The following WDPCP variants were observed in gnomAD, a reference collection of about 807,000 sequenced individuals.
WDPCP encodes WD repeat-containing and planar cell polarity effector protein fritz homolog.
WDPCP carries 71 observed loss-of-function variants against 93.1 expected under a neutral mutation model. That is an observed-to-expected ratio of 0.76 (90% CI 0.63 to 0.93). The LOEUF (loss-of-function observed/expected upper bound fraction) is 0.93. WDPCP is among the 40% of genes least tolerant of loss of function. The pLI, the probability that WDPCP is intolerant of heterozygous loss-of-function variation, is 0.00. For synonymous variants in WDPCP, 315 were observed against 315.0 expected (o/e 1.00, Z 0.00); for missense variants, 844 against 887.4 (o/e 0.95, Z 0.62).
intron 14 of WDPCP, among the ~76,000 whole-genome samples, chr2:63,217,188 C>G (rs534804983): frequency 6.6e-5 from 10 of 152,060 alleles, no homozygotes; most frequent in Non-Finnish European, 1.5e-4. Context: ...GGAAAAACAT[C>G]AAAAGAATTT....
chr2:63,661,965 T>C (rs1710232086), intron 2 of WDPCP, among the ~76,000 whole-genome samples: 1 of 152,126 alleles, frequency 6.6e-6, no homozygotes, highest in Non-Finnish European at 1.5e-5. Context: ...ATAGAACAGC[T>C]GGCAAGAGAG....
chr2:63,546,737 A>G (rs1402927306), intron 1 of WDPCP, among the ~76,000 whole-genome samples: 1 of 152,198 alleles, frequency 6.6e-6, no homozygotes, highest in Non-Finnish European at 1.5e-5. Context: ...TTCAAATTTA[A>G]AAAATGACAC....
chr2:63,469,561 G>A (rs979328454), intron 6 of WDPCP, among the ~76,000 whole-genome samples: 24 of 152,170 alleles, frequency 1.6e-4, no homozygotes, highest in South Asian at 1.0e-3. Flanking sequence ...CATGGATAGC[G>A]CTGGAGGCCA....
intron 1 of WDPCP, among the ~76,000 whole-genome samples, chr2:63,497,081 C>T (rs1395282077): frequency 7.4e-6 from 1 of 134,548 alleles, no homozygotes; most frequent in Non-Finnish European, 1.5e-5. Flanking sequence ...CACTGCACTC[C>T]AGCCTAGGTG....
At chr2:63,315,458 T>A (rs1273809633) in intron 12 of WDPCP, among the ~76,000 whole-genome samples, 1 of 151,922 alleles carries the variant, frequency 6.6e-6, no homozygotes, top group Non-Finnish European at 1.5e-5. Flanking sequence ...TTTTTTAACA[T>A]AAAATTAACA....
chr2:63,521,915 CT>C (rs1227114782), intron 1 of WDPCP, among the ~76,000 whole-genome samples: 1 of 152,140 alleles, frequency 6.6e-6, no homozygotes, highest in Non-Finnish European at 1.5e-5. Flanking sequence ...ATTAAACAAC[CT>C]GTTCCTGAAT....
At chr2:63,196,957 A>G (rs892056218) in intron 14 of WDPCP, among the ~76,000 whole-genome samples, 8 of 152,334 alleles carry the variant, frequency 5.3e-5, no homozygotes, top group Admixed American at 3.3e-4. Context: ...TGAAACAAGC[A>G]CTGAAACTAA....
chr2:63,526,244 G>A (rs1414589167), intron 1 of WDPCP, among the ~76,000 whole-genome samples: 2 of 152,108 alleles, frequency 1.3e-5, no homozygotes, highest in African/African-American at 2.4e-5. Context: ...TTTTTCTTGT[G>A]TGTCATTTTG....
intron 12 of WDPCP, among the ~76,000 whole-genome samples, chr2:63,338,866 T>C (rs1233958854): frequency 2.0e-5 from 3 of 151,708 alleles, no homozygotes; most frequent in Non-Finnish European, 4.4e-5. Context: ...ATTCAGGGTC[T>C]TCTGTGGTTC....
In WDPCP at chr2:63,120,302, A is replaced by C. The variant is rs1020802471; in HGVS notation, c.*1704T>G. ...CAGTTTGGCTTACATGTTATGCATT[A>C]TTAAAATTTTTTCAGAGCAATAACA... On this transcript the variant is annotated 3_prime_UTR_variant, in exon 18 of 18. Transcript: ENST00000272321. Among the ~76,000 whole-genome samples the C allele has an allele frequency of 6.6e-6, 1 of 152,168 alleles. No homozygotes were observed. The highest frequency in any genetic ancestry group is 2.4e-5 in the African/African-American group (1 of 41,454).
At chr2:63,464,059 C>T (rs1241318860) in intron 6 of WDPCP, among the ~76,000 whole-genome samples, 1 of 151,974 alleles carries the variant, frequency 6.6e-6, no homozygotes, top group East Asian at 1.9e-4. Context: ...TCAAAAGACA[C>T]AATCAACAAA....
chr2:63,315,622 A>G (rs1439445890), intron 12 of WDPCP, among the ~76,000 whole-genome samples: 1 of 152,192 alleles, frequency 6.6e-6, no homozygotes, highest in Non-Finnish European at 1.5e-5. Context: ...ATAATTCAAT[A>G]TAAAATATTT....
At chr2:63,127,044 C>A (rs1325612611) in intron 17 of WDPCP, among the ~76,000 whole-genome samples, 1 of 151,256 alleles carries the variant, frequency 6.6e-6, no homozygotes, top group Admixed American at 6.6e-5. Flanking sequence ...ATATAAAATA[C>A]TTTAGTGAAA....
intron 17 of WDPCP, among the ~76,000 whole-genome samples, chr2:63,125,045 G>A (rs961138588): frequency 6.6e-6 from 1 of 152,166 alleles, no homozygotes; most frequent in Non-Finnish European, 1.5e-5. Context: ...AAGTTGACCA[G>A]CTATTCAAGT....
intron 6 of WDPCP, among the ~76,000 whole-genome samples, chr2:63,449,376 C>T (rs921256013): frequency 6.6e-6 from 1 of 152,128 alleles, no homozygotes; most frequent in Non-Finnish European, 1.5e-5. Flanking sequence ...CAGATACCCC[C>T]CCACTTTCCA....
chr2:63,327,901 C>T (rs1558475327), intron 12 of WDPCP, among the ~76,000 whole-genome samples: 1 of 152,184 alleles, frequency 6.6e-6, no homozygotes, highest in African/African-American at 2.4e-5. Context: ...CCTGGACCAA[C>T]CCGCTGGCCC....
At chr2:63,330,057 T>C (rs780874177) in intron 12 of WDPCP, among the ~76,000 whole-genome samples, 7 of 152,348 alleles carry the variant, frequency 4.6e-5, no homozygotes, top group Non-Finnish European at 1.0e-4. Flanking sequence ...AGCATGAGTA[T>C]AGATGTCTCT....
At chr2:63,592,275 A>G (rs1256800397), upstream of WDPCP, among the ~76,000 whole-genome samples, 3 of 152,228 alleles carry the variant, frequency 2.0e-5, no homozygotes, top group Non-Finnish European at 1.5e-5. Context: ...AGTTGGAACT[A>G]TTGTGGTCAC....
intron 3 of WDPCP, among the ~76,000 whole-genome samples, chr2:63,640,360 A>G (rs139605908): frequency 1.8e-3 from 276 of 152,284 alleles, no homozygotes; most frequent in African/African-American, 6.2e-3. Flanking sequence ...TGCATGTAGC[A>G]GTGTTCCCCT....
Sources: gnomAD v4.1 joint callset for allele counts (sites outside exome capture counted in the v4.1 genomes callset) on GRCh38, gnomAD v4.1.1 for gene constraint, MANE v1.5 for transcripts, NCBI Gene and HGNC (gene_info 2026-07-23, HGNC 2026-07-21) for gene names.